CERS1: variants seen among roughly 807,000 people sequenced by gnomAD.
CERS1 encodes Embryonic growth/differentiation factor 1.
CERS1 carries 16 observed loss-of-function variants against 35.7 expected under a neutral mutation model. That is an observed-to-expected ratio of 0.45 (90% CI 0.30 to 0.68). The LOEUF (loss-of-function observed/expected upper bound fraction) is 0.68. Ranked by LOEUF, CERS1 falls within the 30% of genes least tolerant of loss-of-function variation. The probability of loss-of-function intolerance (pLI) is 0.08; values close to 1 mark genes in which losing one functional copy is unlikely to be tolerated. For missense variants in CERS1, 454 were observed against 453.9 expected (o/e 1.00, Z 0.00); for synonymous variants, 243 against 201.6 (o/e 1.21, Z -1.74).
At chr19:18,879,500 C>T (rs2056141712) in intron 4 of CERS1, 112 bp from the exon 5 acceptor site, 1 of 1,261,858 alleles carries the variant, frequency 7.9e-7, no homozygotes, top group African/African-American at 1.5e-5. Context: ...TCCTTGCCCA[C>T]CTCTGCCCAC....
chr19:18,880,209 T>C, intron 4 of CERS1, 65 bp downstream of exon 4: 6 of 1,463,304 alleles, frequency 4.1e-6, no homozygotes, highest in Non-Finnish European at 5.5e-6. Flanking sequence ...TCCCGCCCCT[T>C]TTCTGGACAC....
In CERS1 at chr19:18,870,427, T is replaced by G. The variant is rs1601147257; in HGVS notation, c.*150A>C. On this transcript the variant is annotated 3_prime_UTR_variant, in exon 7 of 8. Coordinates refer to ENST00000623882, the MANE Select transcript of CERS1 (RefSeq NM_021267.5). The surrounding 1 kb of genome is among the most constrained non-coding windows in gnomAD (Gnocchi z 5.1). ...GGTCCTGGGGGGCGTGGCCGGGAAC[T>G]GGAGGCAGGATGAGGGGGCGGGGTC... The G allele has an allele frequency of 3.8e-5, 32 of 849,154 alleles. No homozygotes were observed. Among genetic ancestry groups the G allele is most frequent in the South Asian group, 7.7e-5 (4 of 52,210 alleles). 52.6% of individuals were successfully genotyped at this position (849,154 alleles called of 1,614,324 possible).
chr19:18,880,454 G>C lies in CERS1; in HGVS notation c.591-19C>G. Reference sequence around the variant, plus strand: ...GTGGTACCTGGGGGAGCAGCAGGCAGAGAGGAGAGGGCAGCTCACATTGGG... The same window carrying C: ...GTGGTACCTGGGGGAGCAGCAGGCACAGAGGAGAGGGCAGCTCACATTGGG... On this transcript the variant is annotated intron_variant, in intron 3 of 7. Coordinates refer to ENST00000623882, the MANE Select transcript of CERS1 (RefSeq NM_021267.5). 1 of 1,568,096 alleles carries C rather than the reference G, an allele frequency of 6.4e-7. No individual in the cohort carries two copies. Among genetic ancestry groups the C allele is most frequent in the South Asian group, 1.2e-5 (1 of 85,312 alleles).
At chr19:18,869,682 T>G (rs2055928371) in intron 7 of CERS1, among the ~76,000 whole-genome samples, 1 of 110,972 alleles carries the variant, frequency 9.0e-6, no homozygotes, top group Non-Finnish European at 1.7e-5. Flanking sequence ...GAAGCCATGC[T>G]AGGGTGTGGG....
chr19:18,879,233 C>G lies in CERS1; in HGVS notation c.900+8G>C. 6.2e-7 allele frequency: 1 copy of G among 1,613,370 alleles called. No individual in the cohort carries two copies. Among genetic ancestry groups the G allele is most frequent in the Non-Finnish European group, 8.5e-7 (1 of 1,179,702 alleles). On this transcript the variant is annotated splice_region_variant and intron_variant, in intron 5 of 7. Coordinates refer to ENST00000623882, the MANE Select transcript of CERS1 (RefSeq NM_021267.5). ...CGCCACTGTGGAGGAGAGCCGGGGC[C>G]GACTCACCAGGAACCAGTAGAGGTT...
In CERS1 at chr19:18,879,309, T is replaced by C; in HGVS notation, c.832A>G (p.Ile278Val). 6.2e-7 allele frequency: 1 copy of C among 1,612,468 alleles called. No homozygotes were observed. The highest frequency in any genetic ancestry group is 8.5e-7 in the Non-Finnish European group (1 of 1,179,292). Residue 278 changes from isoleucine to valine, a missense_variant, in exon 5 of 8, where the codon ATC (isoleucine) becomes GTC (valine). Transcript: ENST00000623882. ...GCATTGAAGAAGAAGTAGAAGGGGA[T>C]GTCAGGCACCGTGCGCAGACTGCAG... ...SHCSLRTVPD[I>V]PFYFFFNALL... is the part of the protein sequence containing the mutation.
chr19:18,875,891 GGGATCCTC>G (rs2056052401), intron 6 of CERS1, among the ~76,000 whole-genome samples: 1 of 152,314 alleles, frequency 6.6e-6, no homozygotes, highest in East Asian at 1.9e-4. Context: ...AGGCAAGGAG[GGGATCCTC>G]GCTTAGAGTT....
chr19:18,880,489 C>T, intron 3 of CERS1, 54 bp from the exon 4 acceptor site: 1 of 1,500,106 alleles, frequency 6.7e-7, no homozygotes, highest in Non-Finnish European at 9.0e-7. Flanking sequence ...GGGACCTCCA[C>T]TCTGCACTAA....
intron 1 of CERS1, among the ~76,000 whole-genome samples, chr19:18,894,695 C>T (rs2056582867): frequency 6.6e-6 from 1 of 152,240 alleles, no homozygotes; most frequent in South Asian, 2.1e-4. Flanking sequence ...CCTGGACAGC[C>T]CTGTCTCCCC....
intron 2 of CERS1, among the ~76,000 whole-genome samples, chr19:18,885,626 T>C (rs2056335647): frequency 6.6e-6 from 1 of 150,836 alleles, no homozygotes; most frequent in Non-Finnish European, 1.5e-5. Context: ...TTCAAGTGAT[T>C]CTCCTGCCTC....
chr19:18,869,586 C>CGG (rs1255108824), intron 7 of CERS1, among the ~76,000 whole-genome samples, 196 bp from the exon 8 acceptor site: 1 of 3,004 alleles, frequency 3.3e-4, no homozygotes, highest in African/African-American at 1.2e-3. Context: ...CGGGGTGCGG[C>CGG]GGGGGGGGTG....
chr19:18,880,352 A>T lies in CERS1; in HGVS notation c.674T>A (p.Phe225Tyr), dbSNP rs770920912. 142 of 1,566,742 alleles carry T rather than the reference A, an allele frequency of 9.1e-5. No individual in the cohort carries two copies. The highest frequency in any genetic ancestry group is 1.2e-4 in the Non-Finnish European group (138 of 1,155,796). ...ATGGTAGGAGCCGCCGCGGGACTTG[A>T]AGTAAATGTTGAGCTTGGTGAACTC... Reference protein sequence around the residue: ...QLEFTKLNIYFKSRGGSYHRL... With the variant: ...QLEFTKLNIYYKSRGGSYHRL... Residue 225 changes from phenylalanine (F) to tyrosine (Y), a missense_variant, in exon 4 of 8, where the codon TTC becomes TAC. Phe to Tyr is a conservative substitution (Grantham distance 22, BLOSUM62 3). Coordinates refer to ENST00000623882, the MANE Select transcript of CERS1 (RefSeq NM_021267.5).
intron 2 of CERS1, among the ~76,000 whole-genome samples, chr19:18,890,793 A>G (rs1266234042): frequency 6.7e-6 from 1 of 150,146 alleles, no homozygotes; most frequent in East Asian, 2.0e-4. Flanking sequence ...GAAAAAAAAA[A>G]AAAAAAAAAA....
intron 2 of CERS1, among the ~76,000 whole-genome samples, chr19:18,887,376 TGG>T (rs892401538): frequency 6.6e-6 from 1 of 152,132 alleles, no homozygotes; most frequent in African/African-American, 2.4e-5. Context: ...TGACTGCTAA[TGG>T]GACGGGGTTT....
chr19:18,885,142 T>C (rs567655449), intron 2 of CERS1, among the ~76,000 whole-genome samples: 102 of 152,322 alleles, frequency 6.7e-4, no homozygotes, highest in Non-Finnish European at 3.2e-4. Flanking sequence ...CTTTAAGTGG[T>C]ATATTTGCTA....
At position 18,895,848 on chromosome 19, in the gene CERS1, G is replaced by C; in HGVS notation, c.225C>G (p.Ser75=). 7.7e-7 allele frequency: 1 copy of C among 1,297,822 alleles called. No individual in the cohort carries two copies. Among genetic ancestry groups the C allele is most frequent in the South Asian group, 1.9e-5 (1 of 51,430 alleles). 80.4% of individuals were successfully genotyped at this position (1,297,822 alleles called of 1,614,324 possible). A position where few individuals can be genotyped will look rare whatever the true frequency, so the allele number is the denominator to read the frequency against. The part of the protein sequence containing the change: ...LGALGWTALR[S]AATARLFRPL... Reference sequence around the variant, plus strand: ...CCCGAAAGAGGCGCGCAGTGGCCGCGGAGCGCAGGGCGGTCCAGCCCAGCG... The same window carrying C: ...CCCGAAAGAGGCGCGCAGTGGCCGCCGAGCGCAGGGCGGTCCAGCCCAGCG... Residue 75 remains serine (S), a synonymous_variant, in exon 1 of 8, where the codon TCC becomes TCG. Transcript: ENST00000623882. This position sits in a 1 kb window ranked among gnomAD's most constrained non-coding sequence, Gnocchi z 6.4.
Position 18,879,194 on chromosome 19 carries a change from G to A in CERS1, c.900+47C>T, listed in dbSNP as rs779488554. 82 of 1,610,442 alleles carry A rather than the reference G, an allele frequency of 5.1e-5. 1 individual carries two copies. Among genetic ancestry groups the A allele is most frequent in the Admixed American group, 3.7e-4 (22 of 59,890 alleles). On this transcript the variant is annotated intron_variant, in intron 5 of 7. Transcript: ENST00000623882. ...TGCCTGAGGAGGGGACAGGGATTGGGACGAGGACGGGACCGCCACTGTGGA... is the reference window on the plus strand; with the variant it reads ...TGCCTGAGGAGGGGACAGGGATTGGAACGAGGACGGGACCGCCACTGTGGA...
intron 7 of CERS1, among the ~76,000 whole-genome samples, chr19:18,869,753 G>A (rs2055930263): frequency 6.6e-6 from 1 of 152,086 alleles, no homozygotes; most frequent in Non-Finnish European, 1.5e-5. Context: ...GGTGGGGACA[G>A]GGCTTCAGCA....
intron 7 of CERS1, 110 bp from the exon 8 acceptor site, chr19:18,869,500 C>G (rs2055923238): frequency 8.2e-7 from 1 of 1,219,640 alleles, no homozygotes; most frequent in Non-Finnish European, 1.1e-6. Context: ...GGCGCACCGT[C>G]TGTGGGAAGG....
Sources: allele counts gnomAD v4.1 joint callset (sites outside exome capture counted in the v4.1 genomes callset), GRCh38; gene constraint gnomAD v4.1.1; non-coding constraint Gnocchi (gnomAD v3.1); transcripts MANE v1.5; gene names NCBI Gene and HGNC (gene_info 2026-07-23, HGNC 2026-07-21).